Variants in EPHA5 observed in about 807,000 individuals in gnomAD.
EPHA5 encodes EPH receptor A5.
A neutral mutation model predicts 105.0 loss-of-function variants in EPHA5; 60 were observed. That is an observed-to-expected ratio of 0.57 (90% CI 0.46 to 0.71). The LOEUF is 0.71. Among genes scored for constraint, EPHA5 ranks in the 30% least tolerant of loss-of-function variants. The pLI is 0.00. For missense variants in EPHA5, 1,218 were observed against 1,274.7 expected, an observed-to-expected ratio of 0.96 and a Z score of 0.68; for synonymous variants, 513 against 449.1, an observed-to-expected ratio of 1.14 and a Z score of -1.80.
chr4:65,526,777 A>T (rs1244684702), intron 3 of EPHA5, among the ~76,000 whole-genome samples: 1 of 152,026 alleles, frequency 6.6e-6, no homozygotes, highest in African/African-American at 2.4e-5. Flanking sequence ...AATGGCTACA[A>T]GGTTTCTACA....
intron 7 of EPHA5, among the ~76,000 whole-genome samples, chr4:65,407,066 C>G (rs529096093): frequency 6.6e-6 from 1 of 152,026 alleles, no homozygotes; most frequent in Non-Finnish European, 1.5e-5. Context: ...TGGTTCATAG[C>G]ATTTTAACTG....
chr4:65,445,802 G>T (rs1726461221), intron 5 of EPHA5, among the ~76,000 whole-genome samples: 1 of 152,082 alleles, frequency 6.6e-6, no homozygotes, highest in Admixed American at 6.6e-5. Context: ...TCCACATATG[G>T]ATAAAACCTC....
chr4:65,407,058 GT>G (rs1219434145), intron 7 of EPHA5, among the ~76,000 whole-genome samples: 6 of 152,080 alleles, frequency 3.9e-5, no homozygotes, highest in African/African-American at 1.4e-4. Flanking sequence ...GTGGAATATG[GT>G]TCATAGCATT....
chr4:65,350,247 G>T (rs1560440006), intron 13 of EPHA5, among the ~76,000 whole-genome samples: 1 of 151,968 alleles, frequency 6.6e-6, no homozygotes, highest in Non-Finnish European at 1.5e-5. Context: ...GGAAGAGGAA[G>T]GATATCCCCC....
At chr4:65,521,768 GCCTTT>G (rs1734749803) in intron 3 of EPHA5, among the ~76,000 whole-genome samples, 1 of 151,898 alleles carries the variant, frequency 6.6e-6, no homozygotes, top group Non-Finnish European at 1.5e-5. Context: ...GCAAAAGCAA[GCCTTT>G]CCTTTCCTTT....
At chr4:65,448,342 T>C (rs2149101270) in intron 5 of EPHA5, among the ~76,000 whole-genome samples, 1 of 152,086 alleles carries the variant, frequency 6.6e-6, no homozygotes, top group South Asian at 2.1e-4. Flanking sequence ...ATATTTATTA[T>C]TAAAAAACAA....
chr4:65,331,497 A>G (rs1720613088), intron 16 of EPHA5: 2 of 1,052,262 alleles, frequency 1.9e-6, no homozygotes, highest in Non-Finnish European at 2.3e-6. Flanking sequence ...TTAGAAATTA[A>G]ATGAGATCCT....
chr4:65,499,300 C>G (rs185092894), intron 3 of EPHA5, among the ~76,000 whole-genome samples: 1 of 151,548 alleles, frequency 6.6e-6, no homozygotes, highest in Non-Finnish European at 1.5e-5. Context: ...GAATTAGGAA[C>G]CCCCACTCTG....
intron 15 of EPHA5, 106 bp downstream of exon 15, chr4:65,335,826 A>T: frequency 8.6e-7 from 1 of 1,163,078 alleles, no homozygotes; most frequent in Non-Finnish European, 1.2e-6. Flanking sequence ...TGTCATATAG[A>T]TTCACAGATT....
chr4:65,416,589 T>C (rs1407454766), intron 6 of EPHA5, among the ~76,000 whole-genome samples: 2 of 152,170 alleles, frequency 1.3e-5, no homozygotes, highest in African/African-American at 4.8e-5. Context: ...AAATTGATAC[T>C]TTTTTGCCAA....
At chr4:65,574,177 A>G in intron 3 of EPHA5, 1 of 1,605,984 alleles carries the variant, frequency 6.2e-7, no homozygotes. Context: ...GAAAAAGGGA[A>G]ATATGAGATT....
intron 5 of EPHA5, among the ~76,000 whole-genome samples, chr4:65,481,246 T>C (rs957697390): frequency 6.6e-6 from 1 of 152,194 alleles, no homozygotes; most frequent in African/African-American, 2.4e-5. Flanking sequence ...CTCTTGTCTC[T>C]TATAGTGGAA....
chr4:65,480,877 A>G (rs939264385), intron 5 of EPHA5, among the ~76,000 whole-genome samples: 1 of 151,608 alleles, frequency 6.6e-6, no homozygotes, highest in African/African-American at 2.4e-5. Flanking sequence ...ATTAATAATA[A>G]TAATAATAAT....
intron 14 of EPHA5, among the ~76,000 whole-genome samples, chr4:65,347,186 A>AG (rs1231388748): frequency 6.6e-6 from 1 of 151,222 alleles, no homozygotes; most frequent in African/African-American, 2.4e-5. Context: ...GCGAGTGAAA[A>AG]AGTGTTTCAA....
chr4:65,341,950 C>T (rs1721767571), intron 14 of EPHA5, among the ~76,000 whole-genome samples: 1 of 152,028 alleles, frequency 6.6e-6, no homozygotes, highest in African/African-American at 2.4e-5. Flanking sequence ...CAGTTTTATT[C>T]TAAGATTCTA....
At chr4:65,332,167 TAATTC>T in intron 15 of EPHA5, 39 bp from the exon 16 acceptor site, 1 of 1,479,514 alleles carries the variant, frequency 6.8e-7, no homozygotes, top group Non-Finnish European at 9.1e-7. Flanking sequence ...AGTTACAATT[TAATTC>T]TTTTATAACA....
At chr4:65,463,415 TG>T (rs1346910067) in intron 5 of EPHA5, among the ~76,000 whole-genome samples, 1 of 152,202 alleles carries the variant, frequency 6.6e-6, no homozygotes, top group Non-Finnish European at 1.5e-5. Flanking sequence ...TCCAGTCATG[TG>T]TTTTAGAAAA....
rs1347017512 is a variant in EPHA5 at position 65,367,400 on chromosome 4, T to C, written c.1818A>G (p.Lys606=). Residue 606 remains lysine, a synonymous_variant, in exon 9 of 17, where the codon AAA becomes AAG. Coordinates refer to ENST00000613740, the MANE Select transcript of EPHA5 (RefSeq NM_001281766.3). The part of the protein sequence containing the change: ...SGRRCGYSKA[K]QDPEEEKMHF... Reference sequence around the variant, plus strand: ...GCATCTTTTCCTCTTCTGGATCTTGTTTTGCTTTGCTGTAGCCACACCGCC... The same window carrying C: ...GCATCTTTTCCTCTTCTGGATCTTGCTTTGCTTTGCTGTAGCCACACCGCC... 1 of 1,612,454 alleles carries C rather than the reference T, an allele frequency of 6.2e-7. No individual in the cohort carries two copies.
In EPHA5 at chr4:65,638,803, G is replaced by A. The variant is rs546123414; in HGVS notation, c.246+4560C>T. On this transcript the variant is annotated intron_variant, in intron 2 of 16. Transcript: ENST00000613740. The stretch of plus-strand genomic sequence containing the variant: ...ATGGAGCAATAGGGTTAAGTTATAT[G>A]AGACTCACTCAAGGACAGGGACCCT... Among the ~76,000 whole-genome samples, 2 of 152,216 alleles carry A rather than the reference G, an allele frequency of 1.3e-5. 1 individual carries two copies. The highest frequency in any genetic ancestry group is 4.1e-4 in the South Asian group (2 of 4,834).
Sources: allele counts gnomAD v4.1 joint callset (sites outside exome capture counted in the v4.1 genomes callset), GRCh38; gene constraint gnomAD v4.1.1; transcripts MANE v1.5; gene names NCBI Gene and HGNC (gene_info 2026-07-23, HGNC 2026-07-21).